CSMD1: variants seen among roughly 807,000 people sequenced by gnomAD.
CSMD1 encodes the protein CUB and sushi domain-containing protein 1.
A neutral mutation model predicts 417.5 loss-of-function variants in CSMD1; 213 were observed. The ratio of observed to expected loss-of-function variants is 0.51; its 90% CI spans 0.46 to 0.57. The LOEUF (loss-of-function observed/expected upper bound fraction) is 0.57, where lower values mean the gene tolerates loss of function less well. CSMD1 is among the 20% of genes least tolerant of loss of function. The probability of loss-of-function intolerance (pLI) is 0.00; values close to 1 mark genes in which losing one functional copy is unlikely to be tolerated. For missense variants in CSMD1, 6,923 were observed against 4,529.7 expected, an observed-to-expected ratio of 1.53 and a Z score of -15.17; for synonymous variants, 2,862 against 1,736.8, an observed-to-expected ratio of 1.65 and a Z score of -16.11.
At chr8:4,004,814 G>C (rs1039392794) in intron 4 of CSMD1, among the ~76,000 whole-genome samples, 11 of 152,058 alleles carry the variant, frequency 7.2e-5, no homozygotes, top group Non-Finnish European at 1.3e-4. Context: ...GCGCGATCTT[G>C]GCTCACTGTA....
intron 3 of CSMD1, among the ~76,000 whole-genome samples, chr8:4,237,885 A>G (rs928088966): frequency 6.6e-6 from 1 of 152,132 alleles, no homozygotes; most frequent in Admixed American, 6.5e-5. Flanking sequence ...TGTTCCTTAA[A>G]CAGAAGTCTA....
At chr8:4,607,146 T>A (rs189341330) in intron 2 of CSMD1, among the ~76,000 whole-genome samples, 4 of 152,316 alleles carry the variant, frequency 2.6e-5, no homozygotes, top group South Asian at 2.1e-4. Flanking sequence ...GAAAGACAGT[T>A]AATTTTAAAG....
At chr8:4,045,004 T>G (rs989439752) in intron 3 of CSMD1, among the ~76,000 whole-genome samples, 1 of 152,264 alleles carries the variant, frequency 6.6e-6, no homozygotes, top group African/African-American at 2.4e-5. Context: ...GTTTTATAAT[T>G]ACAATGTTAT....
At chr8:4,901,005 T>C (rs1189107361) in intron 1 of CSMD1, among the ~76,000 whole-genome samples, 1 of 152,226 alleles carries the variant, frequency 6.6e-6, no homozygotes, top group Admixed American at 6.5e-5. Context: ...ACCATACTAT[T>C]TGAAAGTAAA....
chr8:3,793,213 G>C (rs899086115), intron 5 of CSMD1, among the ~76,000 whole-genome samples: 1 of 152,106 alleles, frequency 6.6e-6, no homozygotes, highest in Non-Finnish European at 1.5e-5. Context: ...TCTCTCAACC[G>C]CTATGGTCTA....
chr8:3,485,449 T>C (rs2117262874), intron 11 of CSMD1, among the ~76,000 whole-genome samples: 1 of 151,914 alleles, frequency 6.6e-6, no homozygotes, highest in East Asian at 1.9e-4. Context: ...CTTTGGGGTA[T>C]TAGAAATTAC....
intron 5 of CSMD1, among the ~76,000 whole-genome samples, chr8:3,766,097 C>G (rs1439587574): frequency 1.3e-5 from 2 of 152,116 alleles, no homozygotes; most frequent in Admixed American, 6.5e-5. Flanking sequence ...CTCAGACAGA[C>G]AAGTAATTCG....
intron 16 of CSMD1, 46 bp downstream of exon 16, chr8:3,399,345 G>T (rs756550277): frequency 1.3e-6 from 2 of 1,512,528 alleles, no homozygotes; most frequent in Admixed American, 2.1e-5. Flanking sequence ...AACTATGGAA[G>T]AGACACACAC....
intron 10 of CSMD1, among the ~76,000 whole-genome samples, chr8:3,496,655 G>A (rs750786214): frequency 1.3e-5 from 2 of 152,070 alleles, no homozygotes; most frequent in African/African-American, 4.8e-5. Context: ...GTGAAACCCT[G>A]TCTCCACTAA....
At chr8:3,827,593 C>A (rs1386411047) in intron 5 of CSMD1, among the ~76,000 whole-genome samples, 2 of 152,148 alleles carry the variant, frequency 1.3e-5, no homozygotes, top group Non-Finnish European at 2.9e-5. Flanking sequence ...CAAATTACAT[C>A]AATGAAATGA....
At chr8:4,226,853 C>G (rs553231736) in intron 3 of CSMD1, among the ~76,000 whole-genome samples, 1 of 152,254 alleles carries the variant, frequency 6.6e-6, no homozygotes, top group South Asian at 2.1e-4. Flanking sequence ...TGTAGTCTCC[C>G]CCTGTCTTTA....
chr8:3,238,466 G>C (rs1175623114), intron 26 of CSMD1, among the ~76,000 whole-genome samples: 1 of 152,032 alleles, frequency 6.6e-6, no homozygotes, highest in East Asian at 1.9e-4. Context: ...TGCTGGGACG[G>C]CAAAAATTTT....
intron 2 of CSMD1, among the ~76,000 whole-genome samples, chr8:4,636,966 A>G (rs1802853991): frequency 6.6e-6 from 1 of 152,198 alleles, no homozygotes; most frequent in Non-Finnish European, 1.5e-5. Flanking sequence ...ACCAATCAGC[A>G]GGATCGTAAA....
intron 23 of CSMD1, among the ~76,000 whole-genome samples, chr8:3,310,161 C>G (rs1165504035): frequency 6.6e-6 from 1 of 152,158 alleles, no homozygotes; most frequent in East Asian, 1.9e-4. Context: ...CAGGGTCATT[C>G]AAATATTTGA....
intron 3 of CSMD1, among the ~76,000 whole-genome samples, chr8:4,380,002 G>C (rs1007464786): frequency 6.6e-6 from 1 of 152,130 alleles, no homozygotes; most frequent in African/African-American, 2.4e-5. Flanking sequence ...ATTGCAGAGA[G>C]GACTGCTGAA....
chr8:4,295,976 A>G (rs1420438977), intron 3 of CSMD1, among the ~76,000 whole-genome samples: 2 of 151,860 alleles, frequency 1.3e-5, no homozygotes, highest in African/African-American at 2.4e-5. Context: ...CCTGAAAAAA[A>G]CAAACAAAAA....
intron 1 of CSMD1, among the ~76,000 whole-genome samples, chr8:4,977,752 T>C (rs1172145902): frequency 6.6e-6 from 1 of 152,176 alleles, no homozygotes; most frequent in Non-Finnish European, 1.5e-5. Context: ...TGCAGGCAGG[T>C]TCACCTGCTA....
At chr8:3,256,579 A>G (rs888221462) in intron 26 of CSMD1, among the ~76,000 whole-genome samples, 2 of 152,210 alleles carry the variant, frequency 1.3e-5, no homozygotes, top group African/African-American at 4.8e-5. Flanking sequence ...ATGTCTCCTG[A>G]CAAATGAACC....
intron 1 of CSMD1, among the ~76,000 whole-genome samples, chr8:4,775,974 C>T (rs144488187): frequency 8.1e-4 from 123 of 152,202 alleles, no homozygotes; most frequent in African/African-American, 2.9e-3. Flanking sequence ...TTAAATGAGA[C>T]GGAGGGAACA....
Sources: gnomAD v4.1 joint callset for allele counts (sites outside exome capture counted in the v4.1 genomes callset) on GRCh38, gnomAD v4.1.1 for gene constraint, MANE v1.5 for transcripts, NCBI Gene and HGNC (gene_info 2026-07-23, HGNC 2026-07-21) for gene names.